The following BEST4 variants were observed in gnomAD, a reference collection of about 807,000 sequenced individuals.
BEST4 encodes bestrophin 4.
In BEST4, 36 loss-of-function variants were observed where a neutral mutation model predicts 47.1. The ratio of observed to expected loss-of-function variants is 0.76; its 90% confidence interval spans 0.59 to 1.01. The LOEUF is 1.01. Ranked by LOEUF, BEST4 falls within the 50% of genes least tolerant of loss-of-function variation. The pLI is 0.00. For missense variants in BEST4, 550 were observed against 648.6 expected, an observed-to-expected ratio of 0.85 and a Z score of 1.65; for synonymous variants, 250 against 277.8, an observed-to-expected ratio of 0.90 and a Z score of 1.00.
At position 44,784,763 on chromosome 1, in the gene BEST4, G is replaced by A. The variant is rs1651159881; in HGVS notation, c.1014C>T (p.Asp338=). ...RNLQVSLLSV[D]EMYQNLPPAE... ...CGGGGGGAAGGTTCTGGTACATTTC[G>A]TCCACGGATAGCAGGGACACCTGGG... is the stretch of plus-strand genomic sequence containing the variant. Residue 338 remains aspartate, a synonymous_variant, in exon 8 of 9, where the codon GAC becomes GAT. Coordinates refer to ENST00000372207, the MANE Select transcript of BEST4 (RefSeq NM_153274.3). The surrounding 1 kb of genome is among the most constrained non-coding windows in gnomAD (Gnocchi z 6.2). 1 of 1,595,638 alleles carries A rather than the reference G, an allele frequency of 6.3e-7. No individual in the cohort carries two copies. Among genetic ancestry groups the A allele is most frequent in the African/African-American group, 1.3e-5 (1 of 74,718 alleles).
downstream of BEST4, among the ~76,000 whole-genome samples, chr1:44,782,664 A>G (rs1231338491): frequency 7.3e-6 from 1 of 136,736 alleles, no homozygotes; most frequent in Non-Finnish European, 1.6e-5. Flanking sequence ...AAATAAATAA[A>G]TAAATAAGAA....
downstream of BEST4, among the ~76,000 whole-genome samples, chr1:44,782,612 A>G (rs1651073068): frequency 1.3e-5 from 2 of 151,446 alleles, no homozygotes; most frequent in Non-Finnish European, 1.5e-5. Context: ...CCTGGGTGAC[A>G]GTGCAAGATT....
At chr1:44,791,571 G>A (rs1048128566), upstream of BEST4, among the ~76,000 whole-genome samples, 9 of 151,920 alleles carry the variant, frequency 5.9e-5, no homozygotes, top group African/African-American at 2.2e-4. Context: ...CACAGAGCCC[G>A]GGATAAAAGT....
Position 44,785,667 on chromosome 1 carries a change from T to C in BEST4, c.646A>G (p.Lys216Glu), listed in dbSNP as rs1651193758. Residue 216 changes from lysine (K) to glutamate (E), a missense_variant, in exon 5 of 9, where the codon AAG becomes GAG. Coordinates refer to ENST00000372207, the MANE Select transcript of BEST4 (RefSeq NM_153274.3). ...ALCLLLEELN[K>E]YRAKCSMLFH... is the part of the protein sequence containing the mutation. The stretch of plus-strand genomic sequence containing the variant: ...AGCATGCTGCACTTGGCTCGGTACT[T>C]GTTCAGCTCCTGGGGGAACAGCAGG... 6.4e-7 allele frequency: 1 copy of C among 1,553,956 alleles called. No individual in the cohort carries two copies. The highest frequency in any genetic ancestry group is 8.7e-7 in the Non-Finnish European group (1 of 1,148,392).
In BEST4 at chr1:44,787,660, C is replaced by T; in HGVS notation, c.46G>A (p.Gly16Ser). Residue 16 changes from glycine to serine, a missense_variant, in exon 1 of 9, where the codon GGT (glycine) becomes AGT (serine). Physicochemically the swap from Gly to Ser is moderately conservative, Grantham distance 56. Transcript: ENST00000372207. ...TLKVAEARFG[G>S]FSGLLLRWRG... ...CAGCGGAGAAGCAGGCCAGAGAAACCTCCGAAGCGGGCCTCCGCCACTTTG... is the reference window on the plus strand; with the variant it reads ...CAGCGGAGAAGCAGGCCAGAGAAACTTCCGAAGCGGGCCTCCGCCACTTTG... 1 of 1,614,212 alleles carries T rather than the reference C, an allele frequency of 6.2e-7. No individual in the cohort carries two copies. Among genetic ancestry groups the T allele is most frequent in the Non-Finnish European group, 8.5e-7 (1 of 1,180,040 alleles).
rs566438500 is a variant in BEST4 at position 44,784,036 on chromosome 1, C to A, written c.*174G>T. ...TCTCTCCCACCAAAGTGGACACATT[C>A]CCAGCCCTGGCTCAGGCCCTTTTCG... On this transcript the variant is annotated 3_prime_UTR_variant, in exon 9 of 9. Transcript: ENST00000372207. This position sits in a 1 kb window ranked among gnomAD's most constrained non-coding sequence, Gnocchi z 6.2. 4.4e-4 allele frequency: 273 copies of A among 621,630 alleles called. No individual in the cohort carries two copies. Among genetic ancestry groups the A allele is most frequent in the Non-Finnish European group, 6.0e-4 (248 of 411,548 alleles). 38.5% of individuals were successfully genotyped at this position (621,630 alleles called of 1,614,324 possible).
chr1:44,792,803 A>G (rs1283106117), upstream of BEST4, among the ~76,000 whole-genome samples: 1 of 151,978 alleles, frequency 6.6e-6, no homozygotes, highest in Non-Finnish European at 1.5e-5. Context: ...GCAAAACCCC[A>G]TCTCTACAAA....
In BEST4 at chr1:44,784,335, C is replaced by T. The variant is rs59895800; in HGVS notation, c.1297G>A (p.Val433Met). The change falls in exon 9 of 9, where the codon GTG becomes ATG. Residue 433 changes from valine (V) to methionine (M), a missense_variant. By Grantham distance (21) the Val-to-Met change is conservative. This residue lies in a region of BEST4 where 255 missense variants were observed against 286.6 expected (regional missense o/e 0.89). Coordinates refer to ENST00000372207, the MANE Select transcript of BEST4 (RefSeq NM_153274.3). The surrounding 1 kb of genome is among the most constrained non-coding windows in gnomAD (Gnocchi z 6.2). ...PAISLRNFGR[V>M]RGTPRPPHLL... ...TGCGGGGGGCGGGGGGTGCCTCGCA[C>T]GCGGCCGAAGTTCCGGAGGCTGATG... is the stretch of plus-strand genomic sequence containing the variant. The T allele has an allele frequency of 2.9e-6, 4 of 1,390,924 alleles. No homozygotes were observed. The highest frequency in any genetic ancestry group is 3.0e-5 in the East Asian group (1 of 33,052). 86.2% of individuals were successfully genotyped at this position (1,390,924 alleles called of 1,614,324 possible). A position where few individuals can be genotyped will look rare whatever the true frequency, so the allele number is the denominator to read the frequency against.
downstream of BEST4, among the ~76,000 whole-genome samples, chr1:44,783,052 T>G (rs1651087993): frequency 6.6e-6 from 1 of 152,008 alleles, no homozygotes. Context: ...CTTCCCAGAT[T>G]CAAGCAATTC....
In BEST4 at chr1:44,787,886, A is replaced by C. The variant is rs1042442070; in HGVS notation, c.-181T>G. Among the ~76,000 whole-genome samples the C allele has an allele frequency of 3.3e-5, 5 of 152,218 alleles. No homozygotes were observed. Among genetic ancestry groups the C allele is most frequent in the Admixed American group, 2.6e-4 (4 of 15,286 alleles). On this transcript the variant is annotated 5_prime_UTR_variant, in exon 1 of 9. Transcript: ENST00000372207. ...CACCCCACCCCCTGCAGAACTGAGC[A>C]GTACATGGGCAAAGCCAGGCTAGAG...
Position 44,784,703 on chromosome 1 carries a change from C to T in BEST4, c.1074G>A (p.Pro358=), listed in dbSNP as rs761565620. 13 of 1,611,220 alleles carry T rather than the reference C, an allele frequency of 8.1e-6. No homozygotes were observed. Among genetic ancestry groups the T allele is most frequent in the East Asian group, 2.2e-5 (1 of 44,892 alleles). ...CCGTGGCCACAGTGTAGGGTGGCTG[C>T]GGCTGGTCCTCATCCCAGTACTGGT... The part of the protein sequence containing the change: ...EKDQYWDEDQ[P]QPPYTVATAA... Residue 358 remains proline (P), a synonymous_variant, in exon 8 of 9, where the codon CCG becomes CCA. Transcript: ENST00000372207. The surrounding 1 kb of genome is among the most constrained non-coding windows in gnomAD (Gnocchi z 6.2).
At chr1:44,785,987 C>T (rs1651202880) in intron 4 of BEST4, 87 bp downstream of exon 4, 1 of 1,476,122 alleles carries the variant, frequency 6.8e-7, no homozygotes, top group Non-Finnish European at 9.1e-7. Flanking sequence ...ACAGCTGATG[C>T]CATACAACTG....
At chr1:44,787,318 G>C in intron 2 of BEST4, 54 bp downstream of exon 2, 1 of 1,579,848 alleles carries the variant, frequency 6.3e-7, no homozygotes, top group South Asian at 1.1e-5. Context: ...ACCCAACCCA[G>C]AGGTCAGGGA....
chr1:44,787,718 C>G lies in BEST4; in HGVS notation c.-13G>C. On this transcript the variant is annotated 5_prime_UTR_variant, in exon 1 of 9. Transcript: ENST00000372207. ...ATGAAACCGTCATGGTGCTGGGAGC[C>G]TGGGGCAGGAGGTCACAAGAGTTGC... 6.2e-7 allele frequency: 1 copy of G among 1,613,726 alleles called. No individual in the cohort carries two copies. The highest frequency in any genetic ancestry group is 8.5e-7 in the Non-Finnish European group (1 of 1,179,982).
chr1:44,787,468 T>G lies in BEST4; in HGVS notation c.153-2A>C. ...CTCTGCTCCTGGGTCAGCAGCAGCC[T>G]GGGGAAGGCAGGTGTAGGCTTGGGT... On this transcript the variant is annotated splice_acceptor_variant, in intron 1 of 8. Coordinates refer to ENST00000372207, the MANE Select transcript of BEST4 (RefSeq NM_153274.3). LOFTEE classifies it high-confidence loss of function. 6.2e-7 allele frequency: 1 copy of G among 1,614,154 alleles called. No homozygotes were observed. The highest frequency in any genetic ancestry group is 1.7e-5 in the Admixed American group (1 of 60,020).
chr1:44,785,677 C>A lies in BEST4; in HGVS notation c.637-1G>T, dbSNP rs144370787. 4 of 1,552,812 alleles carry A rather than the reference C, an allele frequency of 2.6e-6. No homozygotes were observed. In the African/African-American group the frequency reaches 5.5e-5, roughly 21 times the overall value. On this transcript the variant is annotated splice_acceptor_variant, in intron 4 of 8. Coordinates refer to ENST00000372207, the MANE Select transcript of BEST4 (RefSeq NM_153274.3). LOFTEE classifies it high-confidence loss of function. Reference sequence around the variant, plus strand: ...ACTTGGCTCGGTACTTGTTCAGCTCCTGGGGGAACAGCAGGAACAGGAAGT... The same window carrying A: ...ACTTGGCTCGGTACTTGTTCAGCTCATGGGGGAACAGCAGGAACAGGAAGT...
chr1:44,792,426 CAAA>C (rs35538089), upstream of BEST4, among the ~76,000 whole-genome samples: 6 of 98,134 alleles, frequency 6.1e-5, no homozygotes, highest in Non-Finnish European at 6.4e-5. Flanking sequence ...GACTCCATCT[CAAA>C]AAAAAAAAAA....
Position 44,785,534 on chromosome 1 carries a change from C to G in BEST4, c.714+65G>C. ...CAGGCAAGTACCATCGCTAATTCTT[C>G]TCATCTCACACACAGCACAGGACAT... On this transcript the variant is annotated intron_variant, in intron 5 of 8. Transcript: ENST00000372207. 14 of 1,437,188 alleles carry G rather than the reference C, an allele frequency of 9.7e-6. 1 individual carries two copies. Among genetic ancestry groups the G allele is most frequent in the South Asian group, 2.6e-5 (2 of 78,388 alleles). The allele number at this position is 1,437,188 out of a possible 1,614,324, so 89.0% of individuals were successfully genotyped here.
At chr1:44,790,368 A>C (rs1242844144), upstream of BEST4, among the ~76,000 whole-genome samples, 1 of 152,054 alleles carries the variant, frequency 6.6e-6, no homozygotes, top group African/African-American at 2.4e-5. Context: ...GCTCATATAA[A>C]ATTTTTTTTT....
Sources: allele counts gnomAD v4.1 joint callset (sites outside exome capture counted in the v4.1 genomes callset), GRCh38; gene constraint gnomAD v4.1.1; regional missense constraint gnomAD v4.1.1; non-coding constraint Gnocchi (gnomAD v3.1); transcripts MANE v1.5; gene names NCBI Gene and HGNC (gene_info 2026-07-23, HGNC 2026-07-21).